Variants in PCSK9 observed in about 807,000 individuals in gnomAD.
PCSK9 encodes the protein proprotein convertase subtilisin/kexin type 9, also known as convertase subtilisin/kexin type 9 preproprotein.
PCSK9 carries 57 observed loss-of-function variants against 62.1 expected under a neutral mutation model. The ratio of observed to expected loss-of-function variants is 0.92; its 90% CI spans 0.74 to 1.14. PCSK9 has a LOEUF of 1.14. PCSK9 is among the 50% of genes most tolerant of loss of function. The pLI, the probability that PCSK9 is intolerant of heterozygous loss-of-function variation, is 0.00. For synonymous variants in PCSK9, 387 were observed against 409.4 expected (o/e 0.95, Z 0.66); for missense variants, 870 against 959.8 (o/e 0.91, Z 1.24).
Position 55,058,020 on chromosome 1 carries a change from T to C in PCSK9, c.1181-16T>C. 6.2e-7 allele frequency: 1 copy of C among 1,613,520 alleles called. No homozygotes were observed. Among genetic ancestry groups the C allele is most frequent in the South Asian group, 1.1e-5 (1 of 91,082 alleles). On this transcript the variant is annotated splice_polypyrimidine_tract_variant and intron_variant, in intron 7 of 11. Coordinates refer to ENST00000302118, the MANE Select transcript of PCSK9 (RefSeq NM_174936.4). Reference sequence around the variant, plus strand: ...GCCGGGCCATCACCATCTTTCACCATTCACCCCTGCACCAGGCATTGCAGC... The same window carrying C: ...GCCGGGCCATCACCATCTTTCACCACTCACCCCTGCACCAGGCATTGCAGC...
At chr1:55,060,840 T>C (rs1016976468) in intron 10 of PCSK9, among the ~76,000 whole-genome samples, 20 of 152,186 alleles carry the variant, frequency 1.3e-4, no homozygotes, top group African/African-American at 4.6e-4. Context: ...GCTTCGCACG[T>C]GTCATCTTCA....
intron 11 of PCSK9, among the ~76,000 whole-genome samples, chr1:55,063,133 G>A (rs547966100): frequency 1.1e-4 from 16 of 152,218 alleles, no homozygotes; most frequent in African/African-American, 2.6e-4. Flanking sequence ...CTATCTCCAC[G>A]GCCCTCAAAC....
rs367620267 is a variant in PCSK9, at chr1:55,046,602, G to A, written c.479G>A (p.Arg160Gln). 94 of 1,613,986 alleles carry A rather than the reference G, an allele frequency of 5.8e-5. No individual in the cohort carries two copies. Among genetic ancestry groups the A allele is most frequent in the Non-Finnish European group, 7.6e-5 (90 of 1,180,022 alleles). ...FAQSIPWNLERITPPRYRADE... is the reference protein window; with the variant it reads ...FAQSIPWNLEQITPPRYRADE... ...CAGAGCATCCCGTGGAACCTGGAGC[G>A]GATTACCCCTCCACGGTACCGGGCG... Residue 160 changes from arginine to glutamine, a missense_variant, in exon 3 of 12, where the codon CGG becomes CAG. Physicochemically the swap from Arg to Gln is conservative, Grantham distance 43. Transcript: ENST00000302118.
intron 2 of PCSK9, among the ~76,000 whole-genome samples, chr1:55,045,620 G>A (rs1644628686): frequency 6.6e-6 from 1 of 152,128 alleles, no homozygotes. Context: ...GAGGCTGCCT[G>A]TGGGGAATCA....
At chr1:55,051,567 G>C (rs994034634) in intron 3 of PCSK9, 3 of 246,550 alleles carry the variant, frequency 1.2e-5, no homozygotes, top group Admixed American at 5.2e-5. Flanking sequence ...CCTTTGTCCT[G>C]CATGGGCGAC....
At chr1:55,048,745 C>T (rs1052917878) in intron 3 of PCSK9, among the ~76,000 whole-genome samples, 1 of 152,376 alleles carries the variant, frequency 6.6e-6, no homozygotes, top group East Asian at 1.9e-4. Flanking sequence ...GCATACGTCA[C>T]TCACCCTCTC....
chr1:55,044,172 A>G, intron 2 of PCSK9, 138 bp downstream of exon 2: 2 of 1,027,376 alleles, frequency 1.9e-6, no homozygotes, highest in Non-Finnish European at 1.5e-6. Flanking sequence ...ATCGGGTACC[A>G]AGCACAGTAA....
Position 55,064,751 on chromosome 1 carries a change from C to T in PCSK9, c.*1167C>T, listed in dbSNP as rs914767385. On this transcript the variant is annotated 3_prime_UTR_variant, in exon 12 of 12. Coordinates refer to ENST00000302118, the MANE Select transcript of PCSK9 (RefSeq NM_174936.4). ...CCTTTTTACAGCCAACTTTTCTAGA[C>T]CTGTTTTGCTTTTGTAACTTGAAGA... 1.3e-5 allele frequency: 2 copies of T among 152,130 alleles called. No individual in the cohort carries two copies. The highest frequency in any genetic ancestry group is 2.9e-5 in the Non-Finnish European group (2 of 68,022). The allele number at this position is 152,130 out of a possible 1,614,324, so 9.4% of individuals were successfully genotyped here. A position where few individuals can be genotyped will look rare whatever the true frequency, so the allele number is the denominator to read the frequency against.
intron 9 of PCSK9, 68 bp downstream of exon 9, chr1:55,058,715 G>C (rs1231051164): frequency 1.0e-6 from 1 of 970,568 alleles, no homozygotes; most frequent in Non-Finnish European, 1.4e-6. Flanking sequence ...GTGTGTGTGT[G>C]TGTCAGTGCT....
intron 1 of PCSK9, among the ~76,000 whole-genome samples, chr1:55,041,924 A>C (rs1404631598): frequency 1.3e-5 from 2 of 152,174 alleles, no homozygotes; most frequent in Non-Finnish European, 2.9e-5. Context: ...GAGGTGGAAG[A>C]TAAGGAGCAC....
In PCSK9 at chr1:55,058,541, G is replaced by T; in HGVS notation, c.1397G>T (p.Gly466Val). Reference sequence around the variant, plus strand: ...AGGACTGTATGGTCAGCACACTCGGGGCCTACACGGATGGCCACAGCCGTC... The same window carrying T: ...AGGACTGTATGGTCAGCACACTCGGTGCCTACACGGATGGCCACAGCCGTC... The part of the protein sequence containing the change: ...FCRTVWSAHS[G>V]PTRMATAVAR... Residue 466 changes from glycine (G) to valine (V), a missense_variant, in exon 9 of 12, where the codon GGG (glycine) becomes GTG (valine). Gly to Val is a moderately radical substitution (Grantham distance 109). Transcript: ENST00000302118. 6.2e-7 allele frequency: 1 copy of T among 1,612,122 alleles called. No individual in the cohort carries two copies.
At chr1:55,058,474 T>A in intron 8 of PCSK9, 25 bp from the exon 9 acceptor site, 1 of 1,612,126 alleles carries the variant, frequency 6.2e-7, no homozygotes, top group South Asian at 1.1e-5. Flanking sequence ...CAGCACCCCC[T>A]CCTCATCCCA....
chr1:55,051,195 A>G (rs1443609596), intron 3 of PCSK9: 1 of 456,074 alleles, frequency 2.2e-6, no homozygotes, highest in Non-Finnish European at 4.4e-6. Context: ...TCTGCAGCAT[A>G]TTTGGAGGAT....
chr1:55,058,865 A>G (rs1257233183), intron 9 of PCSK9, among the ~76,000 whole-genome samples: 1 of 152,166 alleles, frequency 6.6e-6, no homozygotes, highest in Non-Finnish European at 1.5e-5. Flanking sequence ...CACAGCGGGA[A>G]GGGTTTCCTA....
In PCSK9 at chr1:55,059,523, CTT is replaced by C. The variant is rs36120999; in HGVS notation, c.1544_1545del (p.Phe515TrpfsTer3). 1 of 1,565,510 alleles carries C rather than the reference CTT, an allele frequency of 6.4e-7. No individual in the cohort carries two copies. The highest frequency in any genetic ancestry group is 2.3e-5 in the East Asian group (1 of 42,890). ...AAGCTGGTCTGCCGGGCCCACAACG[CTT>C]TTGGGGGTGAGGGTGTCTACGCCAT... On this transcript the variant is annotated frameshift_variant, in exon 10 of 12. Coordinates refer to ENST00000302118, the MANE Select transcript of PCSK9 (RefSeq NM_174936.4). LOFTEE classifies it high-confidence loss of function.
chr1:55,052,140 T>G (rs1570300852), intron 3 of PCSK9, 138 bp from the exon 4 acceptor site: 1 of 1,204,920 alleles, frequency 8.3e-7, no homozygotes, highest in East Asian at 2.3e-5. Flanking sequence ...GTGTGAGGAT[T>G]TTTTGGAGGT....
intron 9 of PCSK9, 128 bp downstream of exon 9, chr1:55,058,775 C>T: frequency 6.6e-7 from 1 of 1,510,216 alleles, no homozygotes. Flanking sequence ...GACTCCAGCT[C>T]TTCTGTAAGC....
chr1:55,059,697 G>A, intron 10 of PCSK9, 34 bp downstream of exon 10: 1 of 1,545,910 alleles, frequency 6.5e-7, no homozygotes, highest in Non-Finnish European at 8.7e-7. Context: ...GGTGAGGAGG[G>A]GTCTCTTTCT....
chr1:55,039,699 G>A lies in PCSK9; in HGVS notation c.-139G>A. ...TCCCAGCTCCCAGCCAGGATTCCGCGCGCCCCTTCACGCGCCCTGCTCCTG... is the reference window on the plus strand; with the variant it reads ...TCCCAGCTCCCAGCCAGGATTCCGCACGCCCCTTCACGCGCCCTGCTCCTG... On this transcript the variant is annotated 5_prime_UTR_variant, in exon 1 of 12. Transcript: ENST00000302118. The A allele has an allele frequency of 9.9e-7, 1 of 1,012,008 alleles. No individual in the cohort carries two copies. Among genetic ancestry groups the A allele is most frequent in the Non-Finnish European group, 1.4e-6 (1 of 691,404 alleles). The allele number at this position is 1,012,008 out of a possible 1,614,324, so 62.7% of individuals were successfully genotyped here.
Sources: allele counts gnomAD v4.1 joint callset (sites outside exome capture counted in the v4.1 genomes callset), GRCh38; gene constraint gnomAD v4.1.1; transcripts MANE v1.5; gene names NCBI Gene and HGNC (gene_info 2026-07-23, HGNC 2026-07-21).